Variants in NEU3 observed in about 807,000 individuals in gnomAD.
NEU3 encodes sialidase-3.
NEU3 carries 10 observed loss-of-function variants against 11.4 expected under a neutral mutation model. That is an observed-to-expected ratio of 0.88 (90% CI 0.54 to 1.49). The LOEUF is 1.49. Ranked by LOEUF, NEU3 falls within the 40% of genes most tolerant of loss-of-function variation. The probability of loss-of-function intolerance (pLI) is 0.00; values close to 1 mark genes in which losing one functional copy is unlikely to be tolerated. For missense variants in NEU3, 529 were observed against 581.8 expected (o/e 0.91, Z 0.93); for synonymous variants, 212 against 228.2 (o/e 0.93, Z 0.64).
At chr11:74,983,280 C>G (rs1277066919), upstream of NEU3, among the ~76,000 whole-genome samples, 1 of 152,100 alleles carries the variant, frequency 6.6e-6, no homozygotes, top group African/African-American at 2.4e-5. Flanking sequence ...TTTAATTGAA[C>G]TAGGAAAGTT....
chr11:74,998,214 T>G (rs1176040568), intron 2 of NEU3, among the ~76,000 whole-genome samples: 1 of 152,216 alleles, frequency 6.6e-6, no homozygotes. Context: ...ACAATTACAG[T>G]AATAACATCA....
chr11:74,998,563 C>T (rs1466245466), intron 2 of NEU3, among the ~76,000 whole-genome samples: 1 of 152,186 alleles, frequency 6.6e-6, no homozygotes, highest in Non-Finnish European at 1.5e-5. Context: ...ATACTCCTAA[C>T]CTACCCTGCT....
intron 2 of NEU3, among the ~76,000 whole-genome samples, chr11:75,001,289 T>C (rs992051258): frequency 1.3e-5 from 2 of 149,752 alleles, no homozygotes; most frequent in Non-Finnish European, 3.0e-5. Flanking sequence ...TTTTTTCTTT[T>C]TTTTTTTTTT....
intron 1 of NEU3, among the ~76,000 whole-genome samples, chr11:74,992,873 T>C (rs1208186162): frequency 6.6e-6 from 1 of 151,716 alleles, no homozygotes; most frequent in Non-Finnish European, 1.5e-5. Context: ...AGCAGGGGAG[T>C]TGCTTGAACC....
downstream of NEU3, among the ~76,000 whole-genome samples, chr11:75,015,399 A>G (rs1948976403): frequency 6.6e-6 from 1 of 152,166 alleles, no homozygotes; most frequent in Admixed American, 6.5e-5. Flanking sequence ...TTTTTGTTAT[A>G]GTAGCCTGAA....
chr11:74,980,796 C>T, the NEU3 span, among the ~76,000 whole-genome samples: 9 of 152,196 alleles, frequency 5.9e-5, no homozygotes, highest in African/African-American at 2.2e-4. Flanking sequence ...GCTTACTCTC[C>T]TCTAGAAAGA....
At chr11:74,986,019 CCAACCTTG>C (rs1208454187), upstream of NEU3, among the ~76,000 whole-genome samples, 1 of 152,186 alleles carries the variant, frequency 6.6e-6, no homozygotes, top group Non-Finnish European at 1.5e-5. Context: ...TCAAAAAACA[CCAACCTTG>C]CAAGCAGGCC....
chr11:74,983,897 C>A (rs569781201), upstream of NEU3, among the ~76,000 whole-genome samples: 60 of 152,266 alleles, frequency 3.9e-4, no homozygotes, highest in African/African-American at 1.4e-3. Context: ...TAAGGTAGAT[C>A]CTGATGGTTT....
At chr11:75,019,190 T>TA (rs1208680378), downstream of NEU3, among the ~76,000 whole-genome samples, 1 of 152,130 alleles carries the variant, frequency 6.6e-6, no homozygotes, top group African/African-American at 2.4e-5. Context: ...GACAATTTGA[T>TA]AAAAAAGAAA....
In NEU3 at chr11:75,006,468, C is replaced by T; in HGVS notation, c.1362C>T (p.Asn454=). Residue 454 remains asparagine (N), a synonymous_variant, in exon 3 of 3, where the codon AAC becomes AAT. Transcript: ENST00000294064. Reference sequence around the variant, plus strand: ...GGGACTGCACCAGCCCTGGTAGGAACCCAAGCCAATTCAAAAGCAATTAAT... The same window carrying T: ...GGGACTGCACCAGCCCTGGTAGGAATCCAAGCCAATTCAAAAGCAATTAAT... ...LQGDCTSPGR[N]PSQFKSN 1.2e-6 allele frequency: 2 copies of T among 1,611,530 alleles called. No individual in the cohort carries two copies. The highest frequency in any genetic ancestry group is 1.7e-6 in the Non-Finnish European group (2 of 1,178,486).
At chr11:75,015,666 A>ATCACC (rs1370618825), downstream of NEU3, among the ~76,000 whole-genome samples, 1 of 152,044 alleles carries the variant, frequency 6.6e-6, no homozygotes, top group African/African-American at 2.4e-5. Context: ...TTCTTCATAT[A>ATCACC]TTACCTTACC....
chr11:75,007,728 G>A lies in NEU3; in HGVS notation c.*1236G>A, dbSNP rs1325419519. On this transcript the variant is annotated 3_prime_UTR_variant, in exon 3 of 3. Transcript: ENST00000294064. ...TTTCGTGCTGAACTTAGTTCATGCT[G>A]AGTCTCTCAGATGATACCACGTTGG... 6.6e-6 allele frequency: 1 copy of A among 152,134 alleles called. No individual in the cohort carries two copies. The highest frequency in any genetic ancestry group is 1.9e-4 in the East Asian group (1 of 5,192). 9.4% of individuals were successfully genotyped at this position (152,134 alleles called of 1,614,324 possible).
chr11:74,989,020 T>C lies in NEU3; in HGVS notation c.-41T>C. 6.9e-7 allele frequency: 1 copy of C among 1,454,426 alleles called. No individual in the cohort carries two copies. The highest frequency in any genetic ancestry group is 9.4e-7 in the Non-Finnish European group (1 of 1,061,468). The allele number at this position is 1,454,426 out of a possible 1,614,324, so 90.1% of individuals were successfully genotyped here. A position where few individuals can be genotyped will look rare whatever the true frequency, so the allele number is the denominator to read the frequency against. On this transcript the variant is annotated 5_prime_UTR_variant, in exon 1 of 3. Coordinates refer to ENST00000294064, the MANE Select transcript of NEU3 (RefSeq NM_006656.6). ...CTCTCTATCCTCCTCTGTCTCAGTC[T>C]CCCCAGCCTTGGGGCCGGTGCCTCT...
downstream of NEU3, among the ~76,000 whole-genome samples, chr11:75,013,801 A>AAACCTT (rs1948969893): frequency 6.6e-6 from 1 of 152,268 alleles, no homozygotes; most frequent in African/African-American, 2.4e-5. Flanking sequence ...AGGAAAGCTG[A>AAACCTT]GATTCAGCAA....
intron 2 of NEU3, chr11:75,004,431 C>T (rs1948877944): frequency 2.0e-6 from 1 of 489,686 alleles, no homozygotes; most frequent in South Asian, 3.4e-5. Flanking sequence ...ATTTGCATTT[C>T]TCTCTTATGA....
chr11:75,019,903 C>T (rs1948996330), downstream of NEU3, among the ~76,000 whole-genome samples: 1 of 152,170 alleles, frequency 6.6e-6, no homozygotes, highest in Non-Finnish European at 1.5e-5. Context: ...ACAACTTGCA[C>T]CGTGCACCTG....
upstream of NEU3, among the ~76,000 whole-genome samples, chr11:74,984,491 G>C (rs1323917196): frequency 6.6e-6 from 1 of 152,124 alleles, no homozygotes; most frequent in Non-Finnish European, 1.5e-5. Flanking sequence ...CTTTTTACAG[G>C]TAGTAACAGG....
chr11:74,985,326 A>G (rs1157023758), upstream of NEU3, among the ~76,000 whole-genome samples: 17 of 152,222 alleles, frequency 1.1e-4, no homozygotes, highest in Non-Finnish European at 1.9e-4. Context: ...ATCCTTAATC[A>G]TATCTTACTT....
chr11:74,996,220 T>G (rs77089277), intron 2 of NEU3, among the ~76,000 whole-genome samples: 2,841 of 152,262 alleles, frequency 0.019, 86 homozygotes, highest in African/African-American at 0.065. Flanking sequence ...TCACAAAAGA[T>G]TTCTCTGTAG....
Sources: allele counts gnomAD v4.1 joint callset (sites outside exome capture counted in the v4.1 genomes callset), GRCh38; gene constraint gnomAD v4.1.1; transcripts MANE v1.5; gene names NCBI Gene and HGNC (gene_info 2026-07-23, HGNC 2026-07-21).